The following AFF3 variants were observed in gnomAD, a reference collection of about 807,000 sequenced individuals.
The protein encoded by AFF3 is AF4/FMR2 family member 3.
AFF3 carries 32 observed loss-of-function variants against 129.7 expected under a neutral mutation model. The observed-to-expected ratio is 0.25, with a 90% CI of 0.19 to 0.33. AFF3 has a LOEUF of 0.33. Ranked by LOEUF, AFF3 falls within the 10% of genes least tolerant of loss-of-function variation. AFF3 has a pLI of 1.00. For synonymous variants in AFF3, 644 were observed against 635.4 expected (o/e 1.01, Z -0.20); for missense variants, 1,373 against 1,592.0 (o/e 0.86, Z 2.34).
At chr2:99,739,115 G>A (rs1358551444) in intron 10 of AFF3, among the ~76,000 whole-genome samples, 1 of 151,588 alleles carries the variant, frequency 6.6e-6, no homozygotes, top group Non-Finnish European at 1.5e-5. Flanking sequence ...GAGGATGGGG[G>A]TGGAGGGGTA....
intron 7 of AFF3, among the ~76,000 whole-genome samples, chr2:99,940,807 C>A (rs1044089650): frequency 6.6e-6 from 1 of 152,200 alleles, no homozygotes; most frequent in Non-Finnish European, 1.5e-5. Context: ...GCATGAGATC[C>A]GAGAACCCTC....
chr2:100,008,752 C>T (rs1682223552), intron 5 of AFF3, 60 bp downstream of exon 5: 27 of 1,572,360 alleles, frequency 1.7e-5, no homozygotes, highest in East Asian at 6.8e-5. Flanking sequence ...TCAAGGCCAC[C>T]GTCACAGGGA....
At chr2:99,715,917 C>T (rs1174146905) in intron 11 of AFF3, among the ~76,000 whole-genome samples, 1 of 152,162 alleles carries the variant, frequency 6.6e-6, no homozygotes, top group Non-Finnish European at 1.5e-5. Context: ...CGTGATCCGC[C>T]TGCCTCGGCC....
intron 8 of AFF3, among the ~76,000 whole-genome samples, chr2:99,819,425 C>T (rs781171968): frequency 1.3e-5 from 2 of 152,090 alleles, no homozygotes; most frequent in South Asian, 4.2e-4. Flanking sequence ...TAAAGCTCGT[C>T]GCTAATGAAT....
chr2:99,926,267 A>C (rs1558981244), intron 7 of AFF3, among the ~76,000 whole-genome samples: 1 of 152,212 alleles, frequency 6.6e-6, no homozygotes, highest in Non-Finnish European at 1.5e-5. Flanking sequence ...GCAACAGCAC[A>C]AAAGAAATTT....
At chr2:100,119,422 A>G (rs1691863027) in intron 2 of AFF3, among the ~76,000 whole-genome samples, 1 of 152,224 alleles carries the variant, frequency 6.6e-6, no homozygotes, top group Non-Finnish European at 1.5e-5. Context: ...AACATCAGTA[A>G]CTAGGAGTCT....
intron 12 of AFF3, among the ~76,000 whole-genome samples, chr2:99,653,566 C>T (rs1055427067): frequency 6.6e-6 from 1 of 152,234 alleles, no homozygotes; most frequent in Non-Finnish European, 1.5e-5. Context: ...TGCTGTCTGG[C>T]CGCCAATGGA....
In AFF3 at chr2:99,582,790, C is replaced by T; in HGVS notation, c.2793+8G>A. 2 of 1,613,776 alleles carry T rather than the reference C, an allele frequency of 1.2e-6. No homozygotes were observed. Among genetic ancestry groups the T allele is most frequent in the Admixed American group, 1.7e-5 (1 of 60,022 alleles). ...GTTTTAATTGGGAAAGGAAGAGCAT[C>T]AACAAACCGTGAGGTCTCCGCCGTG... On this transcript the variant is annotated splice_region_variant and intron_variant, in intron 17 of 24. Coordinates refer to ENST00000672756, the MANE Select transcript of AFF3 (RefSeq NM_001386135.1).
chr2:99,843,916 G>C (rs1481959957), intron 7 of AFF3, among the ~76,000 whole-genome samples: 3 of 152,090 alleles, frequency 2.0e-5, no homozygotes, highest in Admixed American at 6.6e-5. Context: ...TGTAGTCTCA[G>C]CTACTCTGGA....
intron 2 of AFF3, among the ~76,000 whole-genome samples, chr2:100,123,069 AG>A (rs1480990316): frequency 6.6e-6 from 1 of 152,246 alleles, no homozygotes; most frequent in African/African-American, 2.4e-5. Flanking sequence ...GATGTAAAAA[AG>A]TGAAGTAGCC....
chr2:100,141,890 AT>A (rs1200030108), intron 1 of AFF3, among the ~76,000 whole-genome samples: 2 of 152,084 alleles, frequency 1.3e-5, no homozygotes, highest in Non-Finnish European at 2.9e-5. Flanking sequence ...AAATACACAC[AT>A]ATACAATGTT....
chr2:99,865,240 T>C (rs934584429), intron 7 of AFF3, among the ~76,000 whole-genome samples: 3 of 152,034 alleles, frequency 2.0e-5, no homozygotes, highest in Non-Finnish European at 4.4e-5. Context: ...CCATCAGGTG[T>C]GGGGGAAAGC....
intron 7 of AFF3, among the ~76,000 whole-genome samples, chr2:99,869,228 C>T (rs990698248): frequency 3.3e-5 from 5 of 152,076 alleles, no homozygotes; most frequent in Non-Finnish European, 5.9e-5. Flanking sequence ...CCCCAGGAAG[C>T]GGTAAACTAC....
At chr2:99,875,559 A>G (rs895114175) in intron 7 of AFF3, among the ~76,000 whole-genome samples, 1 of 152,184 alleles carries the variant, frequency 6.6e-6, no homozygotes, top group African/African-American at 2.4e-5. Context: ...CACGCACTAG[A>G]TATCTGTTAG....
chr2:99,943,096 C>T (rs890037735), intron 7 of AFF3, among the ~76,000 whole-genome samples: 2 of 152,162 alleles, frequency 1.3e-5, no homozygotes, highest in African/African-American at 4.8e-5. Context: ...AAACACCATT[C>T]CTGTTCGAGG....
At chr2:99,815,013 C>G (rs553084407) in intron 8 of AFF3, among the ~76,000 whole-genome samples, 140 of 152,086 alleles carry the variant, frequency 9.2e-4, no homozygotes, top group Non-Finnish European at 1.9e-3. Flanking sequence ...TCCCCCCCGG[C>G]TGATTTTTGT....
At chr2:99,955,598 C>T (rs1676565946) in intron 7 of AFF3, among the ~76,000 whole-genome samples, 1 of 152,156 alleles carries the variant, frequency 6.6e-6, no homozygotes, top group African/African-American at 2.4e-5. Context: ...TTGAAAATGT[C>T]TAATTCTTCT....
intron 11 of AFF3, among the ~76,000 whole-genome samples, chr2:99,696,715 G>GGAGCAATCATA (rs1553433109): frequency 1.3e-5 from 2 of 151,834 alleles, no homozygotes; most frequent in African/African-American, 4.8e-5. Context: ...GGAGTGCAGT[G>GGAGCAATCATA]GCTCACTGCA....
intron 10 of AFF3, among the ~76,000 whole-genome samples, chr2:99,729,674 G>A (rs998261491): frequency 6.6e-6 from 1 of 152,034 alleles, no homozygotes; most frequent in African/African-American, 2.4e-5. Flanking sequence ...TAGGACCCAA[G>A]GGAAAATGAT....
Sources: allele counts gnomAD v4.1 joint callset (sites outside exome capture counted in the v4.1 genomes callset), GRCh38; gene constraint gnomAD v4.1.1; transcripts MANE v1.5; gene names NCBI Gene and HGNC (gene_info 2026-07-23, HGNC 2026-07-21).